Variants in LDLRAD3 observed in about 807,000 individuals in gnomAD.
LDLRAD3 encodes low density lipoprotein receptor class A domain containing 3.
In LDLRAD3, 20 loss-of-function variants were observed where a neutral mutation model predicts 29.4. That is an observed-to-expected ratio of 0.68 (90% CI 0.48 to 0.99). LDLRAD3 has a LOEUF of 0.99. Among genes scored for constraint, LDLRAD3 ranks in the 50% least tolerant of loss-of-function variants. The pLI is 0.00. For missense variants in LDLRAD3, 420 were observed against 454.3 expected, an observed-to-expected ratio of 0.92 and a Z score of 0.69; for synonymous variants, 157 against 192.7, an observed-to-expected ratio of 0.81 and a Z score of 1.53.
chr11:36,175,584 C>G (rs1260217313), intron 4 of LDLRAD3, among the ~76,000 whole-genome samples: 2 of 152,166 alleles, frequency 1.3e-5, no homozygotes, highest in African/African-American at 4.8e-5. Flanking sequence ...CATTCAGGAG[C>G]AGATTATTTA....
At chr11:35,989,093 T>C (rs1407064244) in intron 1 of LDLRAD3, 1 of 152,246 alleles carries the variant, frequency 6.6e-6, no homozygotes, top group Admixed American at 6.5e-5. Context: ...TGCTTATAGC[T>C]AGCCAGATAT....
chr11:35,960,128 T>C (rs945257273), intron 1 of LDLRAD3, among the ~76,000 whole-genome samples: 1 of 152,252 alleles, frequency 6.6e-6, no homozygotes, highest in Non-Finnish European at 1.5e-5. Flanking sequence ...GGCTATCAAA[T>C]GGCCTACGCT....
At chr11:36,061,286 G>A (rs1454969331) in intron 2 of LDLRAD3, among the ~76,000 whole-genome samples, 1 of 152,104 alleles carries the variant, frequency 6.6e-6, no homozygotes, top group Non-Finnish European at 1.5e-5. Context: ...CTGCAGGCAC[G>A]TGGCACTACG....
chr11:36,054,986 G>A (rs113015732), intron 2 of LDLRAD3, among the ~76,000 whole-genome samples: 4 of 113,638 alleles, frequency 3.5e-5, no homozygotes, highest in Middle Eastern at 5.0e-3. Context: ...TGGATGGATG[G>A]ATGGATGGAT....
At chr11:35,951,121 C>T (rs185766766) in intron 1 of LDLRAD3, among the ~76,000 whole-genome samples, 12 of 152,054 alleles carry the variant, frequency 7.9e-5, no homozygotes, top group Admixed American at 4.6e-4. Flanking sequence ...AGACTGAGTA[C>T]GTGCTTATGA....
intron 1 of LDLRAD3, among the ~76,000 whole-genome samples, chr11:35,947,972 A>G (rs1391033098): frequency 1.3e-5 from 2 of 152,198 alleles, no homozygotes; most frequent in Admixed American, 1.3e-4. Context: ...TTCATGGTAA[A>G]TACATAAAAT....
intron 4 of LDLRAD3, among the ~76,000 whole-genome samples, chr11:36,191,336 A>G (rs569890273): frequency 6.6e-6 from 1 of 152,146 alleles, no homozygotes; most frequent in South Asian, 2.1e-4. Context: ...CCAGGAATAC[A>G]AGACCAGCCT....
At chr11:36,142,795 T>G (rs939841586) in intron 4 of LDLRAD3, among the ~76,000 whole-genome samples, 10 of 152,166 alleles carry the variant, frequency 6.6e-5, no homozygotes, top group African/African-American at 2.4e-4. Context: ...CCAGGTTATC[T>G]AAAGGAGCCA....
intron 4 of LDLRAD3, among the ~76,000 whole-genome samples, chr11:36,216,088 GTGATGA>G (rs1178658220): frequency 6.6e-6 from 1 of 152,196 alleles, no homozygotes; most frequent in South Asian, 2.1e-4. Flanking sequence ...TTGGCCATCA[GTGATGA>G]TGATGCCGAA....
chr11:36,146,870 A>T lies in LDLRAD3; in HGVS notation c.454+48409A>T, dbSNP rs145143406. On this transcript the variant is annotated intron_variant, in intron 4 of 5. Transcript: ENST00000315571. ...AGTGGCGTGGTTTTGGCTCACTGCA[A>T]CCTCCGCCTCCCAGCTTCAAGTGAT... Among the ~76,000 whole-genome samples the T allele has an allele frequency of 5.4e-3, 819 of 150,648 alleles. 6 individuals are homozygous for T. Among genetic ancestry groups the T allele is most frequent in the African/African-American group, 0.019 (787 of 40,712 alleles).
chr11:36,148,704 A>C (rs1274988584), intron 4 of LDLRAD3, among the ~76,000 whole-genome samples: 1 of 152,118 alleles, frequency 6.6e-6, no homozygotes, highest in East Asian at 1.9e-4. Flanking sequence ...GCAGCCAGGG[A>C]ATGGAGCCAG....
intron 4 of LDLRAD3, among the ~76,000 whole-genome samples, chr11:36,184,985 C>T (rs553859396): frequency 1.3e-5 from 2 of 152,226 alleles, no homozygotes; most frequent in African/African-American, 4.8e-5. Context: ...AGATGCTTAC[C>T]TTTTCCTTTT....
intron 1 of LDLRAD3, among the ~76,000 whole-genome samples, chr11:36,004,832 A>T (rs114599751): frequency 0.011 from 1,669 of 152,288 alleles, 23 homozygotes; most frequent in African/African-American, 0.036. Flanking sequence ...GTCCAACACC[A>T]TGTGAAAGTT....
intron 4 of LDLRAD3, among the ~76,000 whole-genome samples, chr11:36,108,039 G>T (rs557496333): frequency 6.6e-6 from 1 of 152,060 alleles, no homozygotes; most frequent in African/African-American, 2.4e-5. Context: ...GGCCAGGCAC[G>T]GTGGCTCACT....
rs1353694599 is a variant in LDLRAD3, at chr11:36,096,927, A to G, written c.320-1400A>G. On this transcript the variant is annotated intron_variant, in intron 3 of 5. Transcript: ENST00000315571. ...AAGTGGCAGAGCTGGGATTGGAGTA[A>G]TTTCTACTTGGCTGAACTAGTTATT... Among the ~76,000 whole-genome samples, 5 of 152,336 alleles carry G rather than the reference A, an allele frequency of 3.3e-5. No individual in the cohort carries two copies. The East Asian group carries it at 7.7e-4, about 23-fold the overall frequency.
intron 2 of LDLRAD3, among the ~76,000 whole-genome samples, chr11:36,051,739 A>G (rs1251110533): frequency 2.0e-5 from 3 of 151,972 alleles, no homozygotes; most frequent in African/African-American, 7.3e-5. Flanking sequence ...GTGGCTCAGC[A>G]TGGTGCTGCC....
intron 4 of LDLRAD3, among the ~76,000 whole-genome samples, chr11:36,099,304 C>A (rs1017978669): frequency 6.6e-6 from 1 of 150,536 alleles, no homozygotes; most frequent in Non-Finnish European, 1.5e-5. Flanking sequence ...TACTCATGGA[C>A]TCTTTTTTTT....
intron 4 of LDLRAD3, among the ~76,000 whole-genome samples, chr11:36,188,371 CAAAAAAAAA>C (rs57049829): frequency 1.6e-4 from 10 of 62,042 alleles, no homozygotes; most frequent in East Asian, 5.5e-4. Context: ...GGAAAACCAG[CAAAAAAAAA>C]AAAAAAAAAA....
chr11:36,125,250 G>A (rs1853818412), intron 4 of LDLRAD3, among the ~76,000 whole-genome samples: 2 of 152,162 alleles, frequency 1.3e-5, no homozygotes, highest in South Asian at 4.1e-4. Context: ...CACAGAGGCA[G>A]TAGAGTGCAT....
Sources: gnomAD v4.1 joint callset for allele counts (sites outside exome capture counted in the v4.1 genomes callset) on GRCh38, gnomAD v4.1.1 for gene constraint, MANE v1.5 for transcripts, NCBI Gene and HGNC (gene_info 2026-07-23, HGNC 2026-07-21) for gene names.